The following WWOX variants were observed in gnomAD, a reference collection of about 807,000 sequenced individuals.
WWOX encodes WW domain containing oxidoreductase, also known as WW domain-containing oxidoreductase.
WWOX carries 69 observed loss-of-function variants against 46.2 expected under a neutral mutation model. The observed-to-expected ratio is 1.49, with a 90% CI of 1.23 to 1.82. WWOX has a LOEUF of 1.82. WWOX is among the 40% of genes most tolerant of loss of function. The pLI is 0.00. For synonymous variants in WWOX, 359 were observed against 202.6 expected (o/e 1.77, Z -6.56); for missense variants, 919 against 542.6 (o/e 1.69, Z -6.89).
rs143717234 is a variant in WWOX, at chr16:78,353,612, G to T, written c.517-33248G>T. The stretch of plus-strand genomic sequence containing the variant: ...GGAATTTACCAATATGCAAAGACTT[G>T]GGGATAATTAGTATTATCTTTGCCA... On this transcript the variant is annotated intron_variant, in intron 5 of 8. Transcript: ENST00000566780. Among the ~76,000 whole-genome samples, 868 of 152,308 alleles carry T rather than the reference G, an allele frequency of 5.7e-3. 5 individuals carry two copies. The highest frequency in any genetic ancestry group is 0.02 in the Middle Eastern group (6 of 294).
At chr16:78,569,361 G>A (rs1383453593) in intron 8 of WWOX, among the ~76,000 whole-genome samples, 1 of 152,010 alleles carries the variant, frequency 6.6e-6, no homozygotes, top group Non-Finnish European at 1.5e-5. Context: ...CATTTGAGTT[G>A]GTTTAAAATA....
chr16:78,250,112 G>T (rs2151827676), intron 5 of WWOX, among the ~76,000 whole-genome samples: 1 of 152,280 alleles, frequency 6.6e-6, no homozygotes, highest in South Asian at 2.1e-4. Context: ...GCAGCTGACT[G>T]GCCCTCTCCA....
At chr16:78,910,506 G>GTT (rs3085520) in intron 8 of WWOX, among the ~76,000 whole-genome samples, 2 of 147,678 alleles carry the variant, frequency 1.4e-5, no homozygotes, top group African/African-American at 2.5e-5. Flanking sequence ...AGGATCTTTT[G>GTT]TTTTTTTTTT....
intron 8 of WWOX, among the ~76,000 whole-genome samples, chr16:78,747,877 T>C (rs1425988598): frequency 6.6e-6 from 1 of 152,114 alleles, no homozygotes; most frequent in Non-Finnish European, 1.5e-5. Flanking sequence ...CTGCCTCAGT[T>C]TTTCCACCTG....
chr16:78,141,978 T>A (rs1261001769), intron 4 of WWOX, among the ~76,000 whole-genome samples: 1 of 133,146 alleles, frequency 7.5e-6, no homozygotes, highest in African/African-American at 2.9e-5. Context: ...TTCTTCCTTA[T>A]AAAATTTTAA....
chr16:78,326,583 C>A (rs1371490836), intron 5 of WWOX, among the ~76,000 whole-genome samples: 1 of 96,968 alleles, frequency 1.0e-5, no homozygotes, highest in Non-Finnish European at 2.0e-5. Context: ...CCCCGCCCCC[C>A]CCCCCCGCAA....
At chr16:78,628,351 T>G (rs2046355469) in intron 8 of WWOX, among the ~76,000 whole-genome samples, 1 of 152,134 alleles carries the variant, frequency 6.6e-6, no homozygotes, top group Non-Finnish European at 1.5e-5. Context: ...CCCCTTTGTT[T>G]GCTCTAAATA....
chr16:78,121,593 GTA>G (rs2033095070), intron 4 of WWOX, among the ~76,000 whole-genome samples: 3 of 151,814 alleles, frequency 2.0e-5, no homozygotes, highest in African/African-American at 7.3e-5. Flanking sequence ...AGGGGTGTGT[GTA>G]TGTTATATAT....
chr16:79,157,534 A>G (rs983712266), intron 8 of WWOX, among the ~76,000 whole-genome samples: 1 of 152,126 alleles, frequency 6.6e-6, no homozygotes, highest in African/African-American at 2.4e-5. Flanking sequence ...GGCATTTGGC[A>G]TGTAGTGGAA....
intron 5 of WWOX, among the ~76,000 whole-genome samples, chr16:78,382,509 C>G (rs2081975934): frequency 6.6e-6 from 1 of 152,150 alleles, no homozygotes; most frequent in Non-Finnish European, 1.5e-5. Context: ...GGGGTTGTTC[C>G]TTACTGAAGC....
At chr16:78,406,115 A>G (rs1174965052) in intron 6 of WWOX, among the ~76,000 whole-genome samples, 1 of 151,554 alleles carries the variant, frequency 6.6e-6, no homozygotes, top group East Asian at 1.9e-4. Flanking sequence ...CGTATTGTGT[A>G]TCTTGCAGTC....
At chr16:79,039,055 G>T (rs2550689) in intron 8 of WWOX, among the ~76,000 whole-genome samples, 107,493 of 151,916 alleles carry the variant, frequency 0.71, 38,334 homozygotes, top group East Asian at 0.91. Context: ...TCTACGTTGG[G>T]ATTCTTAAAT....
At chr16:79,148,412 C>T (rs979297754) in intron 8 of WWOX, among the ~76,000 whole-genome samples, 35 of 152,040 alleles carry the variant, frequency 2.3e-4, no homozygotes, top group African/African-American at 8.5e-4. Context: ...TTCTTTATTC[C>T]ACTGATCTAT....
chr16:78,952,321 C>T (rs895802602), intron 8 of WWOX, among the ~76,000 whole-genome samples: 15 of 151,860 alleles, frequency 9.9e-5, no homozygotes, highest in African/African-American at 3.6e-4. Context: ...TAGTTCTGTG[C>T]ATTTCCTCTT....
chr16:78,539,216 A>G (rs1184798018), intron 8 of WWOX, among the ~76,000 whole-genome samples: 2 of 152,246 alleles, frequency 1.3e-5, no homozygotes, highest in Admixed American at 6.5e-5. Flanking sequence ...TATGTGTTCA[A>G]CTGAACTATG....
At chr16:78,421,222 G>A (rs2082920923) in intron 6 of WWOX, among the ~76,000 whole-genome samples, 1 of 152,200 alleles carries the variant, frequency 6.6e-6, no homozygotes. Flanking sequence ...TACAGTTTCA[G>A]AGACCAAACA....
intron 8 of WWOX, among the ~76,000 whole-genome samples, chr16:78,818,185 G>T (rs1190555890): frequency 3.3e-5 from 5 of 152,092 alleles, no homozygotes; most frequent in African/African-American, 9.7e-5. Context: ...GGTAGTCTCT[G>T]TGTTCAGGTA....
chr16:78,513,054 A>G (rs1294534721), intron 8 of WWOX, among the ~76,000 whole-genome samples: 4 of 152,204 alleles, frequency 2.6e-5, no homozygotes, highest in Non-Finnish European at 5.9e-5. Context: ...ATTAAAAGTT[A>G]AAGTTAAGTA....
chr16:78,361,375 T>A (rs1199399795), intron 5 of WWOX, among the ~76,000 whole-genome samples: 1 of 152,226 alleles, frequency 6.6e-6, no homozygotes, highest in East Asian at 1.9e-4. Flanking sequence ...AATGTAATGT[T>A]ATTAATTTTT....
Sources: gnomAD v4.1 joint callset for allele counts (sites outside exome capture counted in the v4.1 genomes callset) on GRCh38, gnomAD v4.1.1 for gene constraint, MANE v1.5 for transcripts, NCBI Gene and HGNC (gene_info 2026-07-23, HGNC 2026-07-21) for gene names.